FTO: variants seen among roughly 807,000 people sequenced by gnomAD.
The protein encoded by FTO is FTO alpha-ketoglutarate dependent dioxygenase.
A neutral mutation model predicts 63.9 loss-of-function variants in FTO; 47 were observed. The ratio of observed to expected loss-of-function variants is 0.74; its 90% CI spans 0.58 to 0.94. The LOEUF (loss-of-function observed/expected upper bound fraction) is 0.94. FTO is among the 40% of genes least tolerant of loss of function. FTO has a pLI of 0.00. For synonymous variants in FTO, 207 were observed against 224.4 expected, an observed-to-expected ratio of 0.92 and a Z score of 0.69; for missense variants, 562 against 618.1, an observed-to-expected ratio of 0.91 and a Z score of 0.96.
chr16:53,950,126 G>A (rs1599065226), intron 8 of FTO, among the ~76,000 whole-genome samples: 1 of 80,902 alleles, frequency 1.2e-5, no homozygotes, highest in Admixed American at 1.5e-4. Flanking sequence ...AGAGGCATTT[G>A]GCAGGAAAAA....
At chr16:53,773,929 C>T (rs922622357) in intron 1 of FTO, among the ~76,000 whole-genome samples, 2 of 152,074 alleles carry the variant, frequency 1.3e-5, no homozygotes, top group South Asian at 2.1e-4. Flanking sequence ...AACAGTGGGC[C>T]TGCCACAAGC....
At chr16:53,792,147 G>A (rs2077939303) in intron 1 of FTO, among the ~76,000 whole-genome samples, 1 of 152,076 alleles carries the variant, frequency 6.6e-6, no homozygotes, top group Non-Finnish European at 1.5e-5. Context: ...CTTGAGAATG[G>A]ATAAATGGAA....
intron 3 of FTO, among the ~76,000 whole-genome samples, chr16:53,831,403 A>G (rs2079140128): frequency 6.6e-6 from 1 of 152,224 alleles, no homozygotes; most frequent in African/African-American, 2.4e-5. Flanking sequence ...TTATTTATTC[A>G]TCTAACAATA....
At chr16:53,760,712 C>T (rs187442213) in intron 1 of FTO, among the ~76,000 whole-genome samples, 22 of 148,754 alleles carry the variant, frequency 1.5e-4, no homozygotes, top group Admixed American at 5.4e-4. Context: ...CTGCAACCTC[C>T]GCCTCCCAGG....
intron 1 of FTO, among the ~76,000 whole-genome samples, chr16:53,769,772 T>C (rs1220227946): frequency 6.6e-6 from 1 of 152,134 alleles, no homozygotes; most frequent in Non-Finnish European, 1.5e-5. Flanking sequence ...ATTTCTTGTT[T>C]ATGTAACAGT....
intron 1 of FTO, chr16:53,711,395 C>G (rs541579168): frequency 2.5e-6 from 1 of 398,522 alleles, no homozygotes; most frequent in African/African-American, 2.1e-5. Flanking sequence ...GTAGTGTACT[C>G]AGCACCAGGG....
rs3885808 is a variant in FTO at position 54,105,815 on chromosome 16, A to G, written c.1365-5947A>G. 3.4e-3 allele frequency among the ~76,000 whole-genome samples: 222 copies of G among 64,792 alleles called. 1 individual carries two copies. Among genetic ancestry groups the G allele is most frequent in the Middle Eastern group, 0.017 (1 of 60 alleles). The allele number at this position is 64,792 out of a possible 152,430, so 42.5% of individuals were successfully genotyped here. Reference sequence around the variant, plus strand: ...TGTGTGTGTGTGTGTGTGTGTGTGTATGTTACATTTGCTTATTCTGATGAA... The same window carrying G: ...TGTGTGTGTGTGTGTGTGTGTGTGTGTGTTACATTTGCTTATTCTGATGAA... On this transcript the variant is annotated intron_variant, in intron 8 of 8. Coordinates refer to ENST00000471389, the MANE Select transcript of FTO (RefSeq NM_001080432.3).
chr16:54,105,049 G>A (rs1257621557), intron 8 of FTO, among the ~76,000 whole-genome samples: 1 of 152,146 alleles, frequency 6.6e-6, no homozygotes, highest in Non-Finnish European at 1.5e-5. Flanking sequence ...ACATAACCCG[G>A]TAAAGCAGAG....
chr16:53,879,997 T>G lies in FTO; in HGVS notation c.1119+10T>G, dbSNP rs1374340720. ...AGAAATTCATAATGAGGTAAGGACTTTCTTTTTTTTTTTTTGAGATGGAGT... is the reference window on the plus strand; with the variant it reads ...AGAAATTCATAATGAGGTAAGGACTGTCTTTTTTTTTTTTTGAGATGGAGT... On this transcript the variant is annotated intron_variant, in intron 6 of 8. Coordinates refer to ENST00000471389, the MANE Select transcript of FTO (RefSeq NM_001080432.3). The G allele has an allele frequency of 1.9e-6, 3 of 1,608,624 alleles. No homozygotes were observed. The South Asian group carries it at 3.3e-5, about 18-fold the overall frequency.
intron 1 of FTO, among the ~76,000 whole-genome samples, chr16:53,802,485 A>G (rs919566617): frequency 5.9e-4 from 90 of 152,150 alleles, no homozygotes; most frequent in Middle Eastern, 3.4e-3. Context: ...TTAAGACTTT[A>G]TCTTTTTCAC....
intron 1 of FTO, among the ~76,000 whole-genome samples, chr16:53,733,763 C>T (rs2076326171): frequency 6.6e-6 from 1 of 152,150 alleles, no homozygotes; most frequent in Non-Finnish European, 1.5e-5. Context: ...GAGTTTGTCT[C>T]ATGTCTACCA....
Position 54,055,626 on chromosome 16 carries a change from T to C in FTO, c.1365-56136T>C, listed in dbSNP as rs148555515. ...TCAGAATTCTTAATAATTTTGAGTG[T>C]GTTCCAACTCAATAAAAATTCCCTA... On this transcript the variant is annotated intron_variant, in intron 8 of 8. Coordinates refer to ENST00000471389, the MANE Select transcript of FTO (RefSeq NM_001080432.3). Among the ~76,000 whole-genome samples, 18 of 152,364 alleles carry C rather than the reference T, an allele frequency of 1.2e-4. No homozygotes were observed. The East Asian group carries it at 2.7e-3, about 23-fold the overall frequency.
At chr16:53,910,778 C>T (rs1401811379) in intron 7 of FTO, among the ~76,000 whole-genome samples, 1 of 152,126 alleles carries the variant, frequency 6.6e-6, no homozygotes, top group Non-Finnish European at 1.5e-5. Flanking sequence ...TCAGGGGATC[C>T]GCCTGCCTCG....
At chr16:53,706,121 G>A (rs2075612420) in intron 1 of FTO, among the ~76,000 whole-genome samples, 1 of 152,200 alleles carries the variant, frequency 6.6e-6, no homozygotes, top group Non-Finnish European at 1.5e-5. Context: ...TGAATTAGTA[G>A]AGCAAATTGT....
chr16:54,100,763 C>T (rs1183474272), intron 8 of FTO, among the ~76,000 whole-genome samples: 1 of 152,100 alleles, frequency 6.6e-6, no homozygotes, highest in African/African-American at 2.4e-5. Flanking sequence ...ATAATCTCTC[C>T]CATGTCAACA....
At chr16:53,794,522 C>T (rs1385324415) in intron 1 of FTO, among the ~76,000 whole-genome samples, 1 of 152,052 alleles carries the variant, frequency 6.6e-6, no homozygotes, top group African/African-American at 2.4e-5. Flanking sequence ...TGAAATGGGA[C>T]CATAACTAAG....
chr16:53,721,378 G>A (rs998558431), intron 1 of FTO, among the ~76,000 whole-genome samples: 2 of 152,018 alleles, frequency 1.3e-5, no homozygotes, highest in Non-Finnish European at 2.9e-5. Flanking sequence ...TTATAAAATT[G>A]ATAAAAAATA....
At chr16:54,100,721 G>A (rs57940180) in intron 8 of FTO, among the ~76,000 whole-genome samples, 1 of 152,118 alleles carries the variant, frequency 6.6e-6, no homozygotes, top group Non-Finnish European at 1.5e-5. Flanking sequence ...AGATGTCATC[G>A]AAAGAGCATT....
chr16:53,841,464 A>G (rs911624260), intron 3 of FTO, among the ~76,000 whole-genome samples: 4 of 152,216 alleles, frequency 2.6e-5, no homozygotes, highest in African/African-American at 9.7e-5. Context: ...TGGCAGTGTT[A>G]GATTTCAGAC....
Sources: gnomAD v4.1 joint callset for allele counts (sites outside exome capture counted in the v4.1 genomes callset) on GRCh38, gnomAD v4.1.1 for gene constraint, MANE v1.5 for transcripts, NCBI Gene and HGNC (gene_info 2026-07-23, HGNC 2026-07-21) for gene names.